The following SETBP1 variants were observed in gnomAD, a reference collection of about 807,000 sequenced individuals.
The protein encoded by SETBP1 is SET binding protein 1, also known as SET-binding protein.
In SETBP1, 9 loss-of-function variants were observed where a neutral mutation model predicts 101.0. That is an observed-to-expected ratio of 0.09 (90% confidence interval 0.05 to 0.16). The LOEUF is 0.16. Ranked by LOEUF, SETBP1 falls within the 10% of genes least tolerant of loss-of-function variation. The pLI, the probability that SETBP1 is intolerant of heterozygous loss-of-function variation, is 1.00. For synonymous variants in SETBP1, 818 were observed against 788.5 expected (o/e 1.04, Z -0.63); for missense variants, 1,858 against 2,033.8 (o/e 0.91, Z 1.66).
intron 2 of SETBP1, among the ~76,000 whole-genome samples, chr18:44,745,136 C>G (rs926900453): frequency 6.6e-6 from 1 of 152,176 alleles, no homozygotes; most frequent in Non-Finnish European, 1.5e-5. Flanking sequence ...TGCCCGGCCC[C>G]CTTTTGGGTA....
At chr18:45,050,504 T>C (rs781237658) in intron 5 of SETBP1, among the ~76,000 whole-genome samples, 2 of 152,162 alleles carry the variant, frequency 1.3e-5, no homozygotes, top group Non-Finnish European at 2.9e-5. Flanking sequence ...GTGTCTGACC[T>C]ATTGAAGAAC....
intron 1 of SETBP1, among the ~76,000 whole-genome samples, chr18:44,684,082 A>G (rs1568088274): frequency 1.3e-5 from 2 of 152,222 alleles, no homozygotes; most frequent in East Asian, 3.9e-4. Flanking sequence ...GAAGCCTCAC[A>G]GAGGTCTTGC....
At chr18:44,725,310 A>G (rs567906335) in intron 2 of SETBP1, among the ~76,000 whole-genome samples, 4 of 152,304 alleles carry the variant, frequency 2.6e-5, no homozygotes, top group Non-Finnish European at 4.4e-5. Flanking sequence ...GAGACTATAA[A>G]GTGATTCCTG....
At chr18:44,744,545 A>C (rs2070181393) in intron 2 of SETBP1, among the ~76,000 whole-genome samples, 1 of 152,170 alleles carries the variant, frequency 6.6e-6, no homozygotes, top group Non-Finnish European at 1.5e-5. Flanking sequence ...GGCAGTTCAC[A>C]CGGGGCACTG....
intron 2 of SETBP1, among the ~76,000 whole-genome samples, chr18:44,839,421 C>G (rs188891367): frequency 5.3e-5 from 8 of 152,276 alleles, no homozygotes; most frequent in African/African-American, 1.9e-4. Flanking sequence ...GCTGCTGCTG[C>G]TGCTGCTGCT....
chr18:44,959,898 G>A (rs1318340135), intron 4 of SETBP1, among the ~76,000 whole-genome samples: 1 of 152,160 alleles, frequency 6.6e-6, no homozygotes, highest in Non-Finnish European at 1.5e-5. Flanking sequence ...ATTTGGGAAA[G>A]CATGCATAGT....
chr18:44,875,091 G>A (rs1291745561), intron 3 of SETBP1, among the ~76,000 whole-genome samples: 1 of 152,150 alleles, frequency 6.6e-6, no homozygotes, highest in Non-Finnish European at 1.5e-5. Flanking sequence ...CTTTTATTTT[G>A]TAAAAGGGAA....
chr18:45,004,885 C>A (rs1244319795), intron 4 of SETBP1, among the ~76,000 whole-genome samples: 1 of 152,192 alleles, frequency 6.6e-6, no homozygotes, highest in Non-Finnish European at 1.5e-5. Flanking sequence ...TTTAAAACAT[C>A]ATTAATTGAC....
chr18:44,960,437 C>T (rs879572678), intron 4 of SETBP1, among the ~76,000 whole-genome samples: 1 of 152,100 alleles, frequency 6.6e-6, no homozygotes, highest in Non-Finnish European at 1.5e-5. Context: ...TGGGCTCAAG[C>T]AATCCTCCCA....
intron 3 of SETBP1, among the ~76,000 whole-genome samples, chr18:44,912,777 A>G (rs2070343188): frequency 6.6e-6 from 1 of 152,088 alleles, no homozygotes; most frequent in Admixed American, 6.6e-5. Flanking sequence ...TCCTCTGTGC[A>G]CCATCGTGTA....
intron 4 of SETBP1, among the ~76,000 whole-genome samples, chr18:45,011,064 C>T (rs1440012691): frequency 2.6e-5 from 4 of 152,068 alleles, no homozygotes; most frequent in East Asian, 1.9e-4. Flanking sequence ...CAAAGAAATA[C>T]GCAGCACAGT....
intron 2 of SETBP1, among the ~76,000 whole-genome samples, chr18:44,851,971 T>C (rs2072877073): frequency 6.6e-6 from 1 of 152,200 alleles, no homozygotes; most frequent in Admixed American, 6.5e-5. Context: ...GCTCACGGCC[T>C]TCCACGCCCT....
At chr18:44,848,174 A>G (rs1389270875) in intron 2 of SETBP1, among the ~76,000 whole-genome samples, 1 of 152,286 alleles carries the variant, frequency 6.6e-6, no homozygotes, top group African/African-American at 2.4e-5. Context: ...GGTAAGAAGA[A>G]CAGCAAAGAG....
At chr18:44,780,699 A>G (rs2071109960) in intron 2 of SETBP1, among the ~76,000 whole-genome samples, 1 of 152,250 alleles carries the variant, frequency 6.6e-6, no homozygotes, top group Non-Finnish European at 1.5e-5. Context: ...AAGCCAAAAT[A>G]ATAGTTGCCC....
rs754523995 is a variant in SETBP1 at position 44,950,593 on chromosome 18, G to A, written c.1253G>A (p.Arg418Lys). ...APSLDPTNHK[R>K]KKRQSIKAVV... Reference sequence around the variant, plus strand: ...TCTCTGGATCCAACCAACCATAAGAGGAAAAAAAGACAGTCCATTAAAGCG... The same window carrying A: ...TCTCTGGATCCAACCAACCATAAGAAGAAAAAAAGACAGTCCATTAAAGCG... The change falls in exon 4 of 6, where the codon AGG becomes AAG. Residue 418 changes from arginine (R) to lysine (K), a missense_variant. Coordinates refer to ENST00000649279, the MANE Select transcript of SETBP1 (RefSeq NM_015559.3). 1.9e-6 allele frequency: 3 copies of A among 1,613,840 alleles called. No individual in the cohort carries two copies.
At chr18:45,008,639 A>G (rs750515986) in intron 4 of SETBP1, among the ~76,000 whole-genome samples, 3 of 152,216 alleles carry the variant, frequency 2.0e-5, no homozygotes, top group Non-Finnish European at 4.4e-5. Context: ...TCTAAGCCTC[A>G]ATGTCCTCTT....
chr18:44,704,671 AG>A (rs1162709113), intron 2 of SETBP1, among the ~76,000 whole-genome samples: 1 of 152,242 alleles, frequency 6.6e-6, no homozygotes, highest in Admixed American at 6.5e-5. Context: ...GAGTAAGCAA[AG>A]GCTAAAGCTG....
At chr18:44,786,324 G>A (rs1438311477) in intron 2 of SETBP1, among the ~76,000 whole-genome samples, 1 of 152,086 alleles carries the variant, frequency 6.6e-6, no homozygotes, top group Non-Finnish European at 1.5e-5. Context: ...AGGCTTTTTG[G>A]TTTAATATTG....
chr18:44,784,758 G>A lies in SETBP1; in HGVS notation c.486+82926G>A, dbSNP rs982900497. Among the ~76,000 whole-genome samples, 17 of 152,306 alleles carry A rather than the reference G, an allele frequency of 1.1e-4. 1 individual carries two copies. The highest frequency in any genetic ancestry group is 2.1e-4 in the South Asian group (1 of 4,828). On this transcript the variant is annotated intron_variant, in intron 2 of 5. Coordinates refer to ENST00000649279, the MANE Select transcript of SETBP1 (RefSeq NM_015559.3). ...GTTGACCGAAATAAACATCTTATGA[G>A]AAATTTAACAACTGCTCAAGAGTAC...
Sources: allele counts gnomAD v4.1 joint callset (sites outside exome capture counted in the v4.1 genomes callset), GRCh38; gene constraint gnomAD v4.1.1; transcripts MANE v1.5; gene names NCBI Gene and HGNC (gene_info 2026-07-23, HGNC 2026-07-21).